Variants in AGBL4 observed in about 807,000 individuals in gnomAD.
AGBL4 encodes cytosolic carboxypeptidase 6.
AGBL4 carries 58 observed loss-of-function variants against 66.4 expected under a neutral mutation model. The observed-to-expected ratio is 0.87, with a 90% CI of 0.71 to 1.09. The LOEUF (loss-of-function observed/expected upper bound fraction) is 1.09. Among genes scored for constraint, AGBL4 ranks in the 50% least tolerant of loss-of-function variants. The pLI is 0.00. For synonymous variants in AGBL4, 234 were observed against 222.9 expected, an observed-to-expected ratio of 1.05 and a Z score of -0.44; for missense variants, 579 against 631.0, an observed-to-expected ratio of 0.92 and a Z score of 0.88.
intron 5 of AGBL4, among the ~76,000 whole-genome samples, chr1:48,953,899 G>A (rs1212586567): frequency 6.6e-6 from 1 of 152,198 alleles, no homozygotes; most frequent in Non-Finnish European, 1.5e-5. Context: ...AGGTAGAGTA[G>A]CCTGATTAAA....
At chr1:49,271,545 C>CAA (rs1644059108) in intron 3 of AGBL4, among the ~76,000 whole-genome samples, 1 of 151,670 alleles carries the variant, frequency 6.6e-6, no homozygotes, top group Non-Finnish European at 1.5e-5. Context: ...CACACACACA[C>CAA]ACACACACGT....
chr1:48,874,324 A>G (rs1182932042), intron 5 of AGBL4, among the ~76,000 whole-genome samples: 2 of 131,730 alleles, frequency 1.5e-5, no homozygotes, highest in Non-Finnish European at 3.3e-5. Context: ...TCCCTGCCCT[A>G]TCCCCAAGTG....
intron 4 of AGBL4, among the ~76,000 whole-genome samples, chr1:49,212,196 G>A (rs1648727012): frequency 6.6e-6 from 1 of 151,966 alleles, no homozygotes; most frequent in African/African-American, 2.4e-5. Context: ...AATTACACTG[G>A]CAAGAAGAAG....
intron 1 of AGBL4, among the ~76,000 whole-genome samples, chr1:49,948,560 T>TAAAA (rs1334516996): frequency 0.023 from 2,334 of 100,794 alleles, 83 homozygotes; most frequent in African/African-American, 0.076. Flanking sequence ...TATAAATATA[T>TAAAA]AAAAATATAT....
chr1:49,882,159 G>T (rs1361236954), intron 1 of AGBL4, among the ~76,000 whole-genome samples: 14 of 151,378 alleles, frequency 9.2e-5, no homozygotes, highest in African/African-American at 3.4e-4. Context: ...TTTCCCCATT[G>T]CTTGTTTTTC....
chr1:48,870,299 T>C (rs184854949), intron 5 of AGBL4, among the ~76,000 whole-genome samples: 1 of 152,114 alleles, frequency 6.6e-6, no homozygotes, highest in Non-Finnish European at 1.5e-5. Flanking sequence ...CTTTGTCATG[T>C]ACTGTCTTTC....
chr1:48,803,379 C>A (rs1558005999), intron 6 of AGBL4, among the ~76,000 whole-genome samples: 1 of 152,220 alleles, frequency 6.6e-6, no homozygotes, highest in Non-Finnish European at 1.5e-5. Context: ...TCTCCCTCTG[C>A]CTACAGTGGA....
intron 3 of AGBL4, among the ~76,000 whole-genome samples, chr1:49,486,430 T>G (rs1203398476): frequency 6.6e-6 from 1 of 151,902 alleles, no homozygotes; most frequent in East Asian, 1.9e-4. Flanking sequence ...AAAAACTCAG[T>G]CATAGGGAGA....
chr1:48,722,116 T>C (rs1455096668), intron 6 of AGBL4, among the ~76,000 whole-genome samples: 1 of 117,978 alleles, frequency 8.5e-6, no homozygotes, highest in Non-Finnish European at 1.7e-5. Flanking sequence ...TGGTTATTGT[T>C]TGTTTATTTG....
At chr1:49,272,540 A>G (rs1161056408) in intron 3 of AGBL4, among the ~76,000 whole-genome samples, 2 of 152,202 alleles carry the variant, frequency 1.3e-5, no homozygotes, top group African/African-American at 2.4e-5. Flanking sequence ...TTTTATTTAA[A>G]AAGTTAAAAT....
chr1:49,412,180 G>T (rs986574313), intron 3 of AGBL4, among the ~76,000 whole-genome samples: 1 of 152,066 alleles, frequency 6.6e-6, no homozygotes, highest in South Asian at 2.1e-4. Context: ...TAGACTGGGT[G>T]GCTTATAAAC....
At chr1:49,013,046 C>G (rs1236771994) in intron 5 of AGBL4, among the ~76,000 whole-genome samples, 2 of 152,200 alleles carry the variant, frequency 1.3e-5, no homozygotes, top group Non-Finnish European at 2.9e-5. Context: ...CAGGCCCTCA[C>G]CAGAAGCTGA....
intron 3 of AGBL4, among the ~76,000 whole-genome samples, chr1:49,335,957 A>G (rs941337825): frequency 1.3e-4 from 20 of 152,006 alleles, no homozygotes; most frequent in African/African-American, 4.1e-4. Context: ...TAAATGGCAT[A>G]TGTTAGTCTG....
At chr1:48,771,965 C>G (rs1457308554) in intron 6 of AGBL4, among the ~76,000 whole-genome samples, 5 of 152,222 alleles carry the variant, frequency 3.3e-5, no homozygotes, top group African/African-American at 1.2e-4. Context: ...AATCCTACGG[C>G]AGGTTTCTGT....
At chr1:49,739,929 T>C (rs961555726) in intron 2 of AGBL4, among the ~76,000 whole-genome samples, 20 of 152,144 alleles carry the variant, frequency 1.3e-4, no homozygotes, top group African/African-American at 4.3e-4. Context: ...GAACAACCAG[T>C]ACCGGCCACC....
chr1:48,589,866 G>T (rs1164269731), intron 10 of AGBL4, among the ~76,000 whole-genome samples: 2 of 152,150 alleles, frequency 1.3e-5, no homozygotes, highest in Non-Finnish European at 2.9e-5. Context: ...CAAAAGAACT[G>T]GGATTGGTAA....
chr1:49,591,127 A>C (rs1644743601), intron 3 of AGBL4, among the ~76,000 whole-genome samples: 1 of 152,062 alleles, frequency 6.6e-6, no homozygotes, highest in Non-Finnish European at 1.5e-5. Flanking sequence ...AAAGCCCTCA[A>C]TCTAACATAA....
intron 3 of AGBL4, among the ~76,000 whole-genome samples, chr1:49,381,292 T>C (rs1644602487): frequency 6.6e-6 from 1 of 152,144 alleles, no homozygotes; most frequent in South Asian, 2.1e-4. Flanking sequence ...AAAACCACAA[T>C]GAGATATCAT....
chr1:49,382,347 G>C (rs1644636020), intron 3 of AGBL4, among the ~76,000 whole-genome samples: 1 of 152,004 alleles, frequency 6.6e-6, no homozygotes, highest in African/African-American at 2.4e-5. Context: ...TACAAGGATA[G>C]TTCAACATAT....
Sources: gnomAD v4.1 joint callset for allele counts (sites outside exome capture counted in the v4.1 genomes callset) on GRCh38, gnomAD v4.1.1 for gene constraint, MANE v1.5 for transcripts, NCBI Gene and HGNC (gene_info 2026-07-23, HGNC 2026-07-21) for gene names.